The following CR1 variants were observed in gnomAD, a reference collection of about 807,000 sequenced individuals.
The protein encoded by CR1 is complement C3b/C4b receptor 1 (Knops blood group).
Under a neutral mutation model 187.3 loss-of-function variants are expected in CR1, and 116 were observed. The observed-to-expected ratio is 0.62, with a 90% CI of 0.53 to 0.72. CR1 has a LOEUF of 0.72. CR1 is among the 30% of genes least tolerant of loss of function. The probability of loss-of-function intolerance (pLI) is 0.00; values close to 1 mark genes in which losing one functional copy is unlikely to be tolerated. For synonymous variants in CR1, 576 were observed against 747.1 expected (o/e 0.77, Z 3.73); for missense variants, 1,731 against 2,110.7 (o/e 0.82, Z 3.52).
At chr1:207,635,550 G>A (rs543932557) in intron 46 of CR1, among the ~76,000 whole-genome samples, 4 of 152,196 alleles carry the variant, frequency 2.6e-5, no homozygotes, top group African/African-American at 4.8e-5. Flanking sequence ...GTTTTACACC[G>A]AGACATTCCA....
chr1:207,564,732 T>C (rs7515905), intron 23 of CR1, among the ~76,000 whole-genome samples: 126,248 of 149,470 alleles, frequency 0.84, 54,165 homozygotes, highest in African/African-American at 0.95. Context: ...ACCTGGGAGG[T>C]GGAGTTTGCA....
In CR1 at chr1:207,520,495, A is replaced by G. The variant is rs1184224017; in HGVS notation, c.488-3116A>G. On this transcript the variant is annotated intron_variant, in intron 4 of 46. Coordinates refer to ENST00000367049, the MANE Select transcript of CR1 (RefSeq NM_000651.6). ...TCATACTCTGGTCCCCAATAAAGGC[A>G]TTGGCTGATGGGTCCCCTTCTCTCT... is the stretch of plus-strand genomic sequence containing the variant. 2.6e-5 allele frequency among the ~76,000 whole-genome samples: 4 copies of G among 152,202 alleles called. No homozygotes were observed. In the South Asian group the frequency reaches 6.2e-4, roughly 24 times the overall value.
At chr1:207,639,074 C>T (rs887346752) in intron 46 of CR1, among the ~76,000 whole-genome samples, 2 of 152,258 alleles carry the variant, frequency 1.3e-5, no homozygotes, top group Non-Finnish European at 2.9e-5. Context: ...AGGCTGGCCC[C>T]TTTGCTCATT....
At chr1:207,618,430 G>A (rs1039843803) in intron 42 of CR1, among the ~76,000 whole-genome samples, 183 bp downstream of exon 42, 7 of 152,096 alleles carry the variant, frequency 4.6e-5, no homozygotes, top group Admixed American at 6.5e-5. Context: ...TTGCATGGTC[G>A]ATAGCAGTGC....
intron 35 of CR1, among the ~76,000 whole-genome samples, 196 bp downstream of exon 35, chr1:207,588,970 G>A (rs1351356253): frequency 6.6e-6 from 1 of 152,308 alleles, no homozygotes; most frequent in East Asian, 1.9e-4. Context: ...AATATGTATT[G>A]TATTGTAAAC....
intron 27 of CR1, among the ~76,000 whole-genome samples, chr1:207,575,173 C>T (rs1477713450): frequency 6.7e-6 from 1 of 150,342 alleles, no homozygotes; most frequent in African/African-American, 2.5e-5. Context: ...TTATAAAAAA[C>T]ATGTCTCAAG....
chr1:207,526,037 C>T (rs1303254133), intron 5 of CR1, among the ~76,000 whole-genome samples: 1 of 152,050 alleles, frequency 6.6e-6, no homozygotes, highest in Non-Finnish European at 1.5e-5. Context: ...TTCCAATCAA[C>T]TATATTAAGA....
intron 45 of CR1, among the ~76,000 whole-genome samples, chr1:207,629,197 A>G (rs1054795852): frequency 4.6e-5 from 7 of 152,126 alleles, no homozygotes; most frequent in African/African-American, 1.7e-4. Flanking sequence ...TCTACACAAA[A>G]CAGCCTTGTA....
chr1:207,580,269 G>A lies in CR1; in HGVS notation c.4966G>A (p.Gly1656Ser). Residue 1656 changes from glycine to serine, a missense_variant, in exon 30 of 47, where the codon GGT becomes AGT. Transcript: ENST00000367049. ...VCQPPPEILH[G>S]EHTPSHQDNF... ...TCAGCCGCCTCCAGAAATCCTGCAT[G>A]GTGAGCATACCCCAAGCCATCAGGA... The A allele has an allele frequency of 6.2e-7, 1 of 1,613,826 alleles. No homozygotes were observed. Among genetic ancestry groups the A allele is most frequent in the Non-Finnish European group, 8.5e-7 (1 of 1,179,834 alleles).
intron 3 of CR1, among the ~76,000 whole-genome samples, chr1:207,508,989 C>T (rs1659534976): frequency 6.6e-6 from 1 of 152,180 alleles, no homozygotes; most frequent in African/African-American, 2.4e-5. Context: ...CAGGTGGCTA[C>T]CCTTAACCTT....
intron 1 of CR1, among the ~76,000 whole-genome samples, chr1:207,504,968 G>A (rs1329915794): frequency 6.6e-6 from 1 of 152,142 alleles, no homozygotes. Flanking sequence ...ACCCTATTGT[G>A]AACTGTGCAT....
chr1:207,585,982 A>C (rs1661099819), intron 33 of CR1, among the ~76,000 whole-genome samples: 1 of 152,194 alleles, frequency 6.6e-6, no homozygotes, highest in South Asian at 2.1e-4. Flanking sequence ...ACAAAAAATA[A>C]GACTGAAAAA....
At chr1:207,498,877 C>CAAAAAAAAAAAAAAAAAAAAAAAAAAAA (rs56044498) in intron 1 of CR1, among the ~76,000 whole-genome samples, 11 of 50,102 alleles carry the variant, frequency 2.2e-4, no homozygotes, top group Non-Finnish European at 3.3e-4. Context: ...AACTCCAAAT[C>CAAAAAAAAAAAAAAAAAAAAAAAAAAAA]AAAAAAAAAA....
At chr1:207,507,945 A>G (rs1218912017) in intron 3 of CR1, among the ~76,000 whole-genome samples, 1 of 152,244 alleles carries the variant, frequency 6.6e-6, no homozygotes, top group East Asian at 1.9e-4. Flanking sequence ...ATATTATTCA[A>G]TACCAAAAAG....
Position 207,618,163 on chromosome 1 carries a change from G to A in CR1, c.6982G>A (p.Asp2328Asn). The A allele has an allele frequency of 6.2e-7, 1 of 1,613,864 alleles. No homozygotes were observed. Among genetic ancestry groups the A allele is most frequent in the African/African-American group, 1.3e-5 (1 of 75,022 alleles). The change falls in exon 42 of 47, where the codon GAC (aspartate) becomes AAC (asparagine). Residue 2328 changes from aspartate to asparagine, a missense_variant. Coordinates refer to ENST00000367049, the MANE Select transcript of CR1 (RefSeq NM_000651.6). ...LPGMTISYIC[D>N]PGYLLVGKGF... ...TGGGATGACAATCAGCTACATTTGT[G>A]ACCCCGGCTACCTGTTAGTGGGAAA...
chr1:207,524,752 A>G (rs1571521501), intron 5 of CR1, among the ~76,000 whole-genome samples: 1 of 151,816 alleles, frequency 6.6e-6, no homozygotes, highest in Non-Finnish European at 1.5e-5. Flanking sequence ...AGTAACTTGC[A>G]GACAAAACTG....
At chr1:207,600,717 A>G (rs1442619928) in intron 35 of CR1, 6 of 152,138 alleles carry the variant, frequency 3.9e-5, no homozygotes, top group Non-Finnish European at 7.4e-5. Flanking sequence ...TAGTCTTTAA[A>G]AGACCCTTTG....
Position 207,567,816 on chromosome 1 carries a change from T to G in CR1, c.3953-8T>G. 6.2e-7 allele frequency: 1 copy of G among 1,611,084 alleles called. No homozygotes were observed. On this transcript the variant is annotated splice_region_variant and splice_polypyrimidine_tract_variant and intron_variant, in intron 24 of 46. Coordinates refer to ENST00000367049, the MANE Select transcript of CR1 (RefSeq NM_000651.6). Reference sequence around the variant, plus strand: ...GAATGAAACTTAGAGCTTTTGTATGTTTTCTAGAAATCTTTTGTCCAAGTC... The same window carrying G: ...GAATGAAACTTAGAGCTTTTGTATGGTTTCTAGAAATCTTTTGTCCAAGTC...
intron 46 of CR1, among the ~76,000 whole-genome samples, chr1:207,638,279 C>G (rs1277835759): frequency 6.6e-6 from 1 of 152,172 alleles, no homozygotes; most frequent in Non-Finnish European, 1.5e-5. Context: ...CAGTTTTGAT[C>G]TTTTTCTGGA....
Sources: allele counts gnomAD v4.1 joint callset (sites outside exome capture counted in the v4.1 genomes callset), GRCh38; gene constraint gnomAD v4.1.1; transcripts MANE v1.5; gene names NCBI Gene and HGNC (gene_info 2026-07-23, HGNC 2026-07-21).